The following SLAIN2 variants were observed in gnomAD, a reference collection of about 807,000 sequenced individuals.
SLAIN2 encodes the protein SLAIN motif-containing protein 2.
Under a neutral mutation model 56.6 loss-of-function variants are expected in SLAIN2, and 31 were observed. The observed-to-expected ratio is 0.55, with a 90% CI of 0.41 to 0.74. The LOEUF (loss-of-function observed/expected upper bound fraction) is 0.74. SLAIN2 is among the 30% of genes least tolerant of loss of function. The pLI, the probability that SLAIN2 is intolerant of heterozygous loss-of-function variation, is 0.00. For synonymous variants in SLAIN2, 317 were observed against 284.9 expected, an observed-to-expected ratio of 1.11 and a Z score of -1.13; for missense variants, 777 against 754.2, an observed-to-expected ratio of 1.03 and a Z score of -0.35.
chr4:48,372,950 G>A (rs954368204), intron 2 of SLAIN2, among the ~76,000 whole-genome samples: 8 of 151,880 alleles, frequency 5.3e-5, no homozygotes, highest in African/African-American at 1.7e-4. Context: ...GTGCTGTATT[G>A]CAGCAGAACA....
intron 1 of SLAIN2, among the ~76,000 whole-genome samples, chr4:48,355,991 TTA>T (rs1322406089): frequency 2.0e-5 from 3 of 152,206 alleles, no homozygotes; most frequent in East Asian, 3.9e-4. Context: ...GGTTCGAACT[TTA>T]TGTTTCTGTA....
intron 1 of SLAIN2, among the ~76,000 whole-genome samples, chr4:48,351,258 T>G (rs1052230114): frequency 2.6e-5 from 4 of 152,224 alleles, no homozygotes; most frequent in Non-Finnish European, 4.4e-5. Flanking sequence ...TACTCTCAAG[T>G]TAGGTTTTTA....
intron 1 of SLAIN2, among the ~76,000 whole-genome samples, chr4:48,368,999 GATT>G (rs1390656478): frequency 6.6e-6 from 1 of 152,160 alleles, no homozygotes; most frequent in Admixed American, 6.5e-5. Context: ...ATGTAAATGA[GATT>G]ATTGACTCCT....
rs1560465836 is a variant in SLAIN2 at position 48,412,402 on chromosome 4, ACACACAC to A, written c.1361-7722_1361-7716del. 7.4e-3 allele frequency among the ~76,000 whole-genome samples: 448 copies of A among 60,754 alleles called. 21 individuals are homozygous for A. The highest frequency in any genetic ancestry group is 0.021 in the African/African-American group (428 of 19,930). The allele number at this position is 60,754 out of a possible 152,430, so 39.9% of individuals were successfully genotyped here. On this transcript the variant is annotated intron_variant, in intron 6 of 7. Transcript: ENST00000264313. ...CACACACACACACACACACACACAC[ACACACAC>A]ACACACATTCCCTCTCTCTCTCTCT...
chr4:48,400,199 C>G (rs982463242), intron 6 of SLAIN2, among the ~76,000 whole-genome samples: 4 of 152,014 alleles, frequency 2.6e-5, no homozygotes, highest in Non-Finnish European at 5.9e-5. Flanking sequence ...TTGGTTTATT[C>G]AGGGATTCAG....
intron 6 of SLAIN2, among the ~76,000 whole-genome samples, chr4:48,398,198 G>A (rs1245878215): frequency 2.0e-5 from 3 of 152,136 alleles, no homozygotes; most frequent in Non-Finnish European, 4.4e-5. Context: ...TCTGACTGGT[G>A]TGAGATGGTA....
At chr4:48,390,233 A>G (rs2109768860) in intron 6 of SLAIN2, among the ~76,000 whole-genome samples, 1 of 151,862 alleles carries the variant, frequency 6.6e-6, no homozygotes, top group Admixed American at 6.6e-5. Flanking sequence ...ACGCACCACC[A>G]TGCCTGGCTA....
chr4:48,392,684 T>C (rs897188212), intron 6 of SLAIN2, among the ~76,000 whole-genome samples: 3 of 152,134 alleles, frequency 2.0e-5, no homozygotes, highest in Non-Finnish European at 2.9e-5. Flanking sequence ...CAGATTTCTA[T>C]GCAAATGTCA....
intron 1 of SLAIN2, 60 bp from the exon 2 acceptor site, chr4:48,369,789 C>T: frequency 6.7e-7 from 1 of 1,501,742 alleles, no homozygotes; most frequent in Non-Finnish European, 9.1e-7. Flanking sequence ...AAAAGGATCC[C>T]TGTTTTATAT....
chr4:48,414,639 T>A (rs1428477956), intron 6 of SLAIN2, among the ~76,000 whole-genome samples: 11 of 135,028 alleles, frequency 8.1e-5, no homozygotes, highest in Admixed American at 7.5e-4. Flanking sequence ...ACATGTGCCA[T>A]GCTGGTGCGC....
chr4:48,371,940 CCAAAA>C (rs144973452), intron 2 of SLAIN2, among the ~76,000 whole-genome samples: 4,498 of 150,690 alleles, frequency 0.03, 75 homozygotes, highest in Admixed American at 0.045. Context: ...GACCCTGTTG[CCAAAA>C]CAAAACAAAA....
At chr4:48,359,430 C>T (rs1272945471) in intron 1 of SLAIN2, among the ~76,000 whole-genome samples, 1 of 152,152 alleles carries the variant, frequency 6.6e-6, no homozygotes. Flanking sequence ...TCCTTGGCTT[C>T]AGTAGCCTAC....
At chr4:48,347,982 G>T (rs983639552) in intron 1 of SLAIN2, among the ~76,000 whole-genome samples, 1 of 152,166 alleles carries the variant, frequency 6.6e-6, no homozygotes, top group African/African-American at 2.4e-5. Context: ...ACCCAAAGTC[G>T]CATAGCTAAT....
intron 6 of SLAIN2, among the ~76,000 whole-genome samples, chr4:48,411,976 T>C: frequency 6.6e-6 from 1 of 152,062 alleles, no homozygotes; most frequent in East Asian, 1.9e-4. Context: ...GGTTTGACCT[T>C]CCTAGTTGCT....
intron 4 of SLAIN2, 29 bp downstream of exon 4, chr4:48,379,877 G>T: frequency 6.8e-7 from 1 of 1,468,628 alleles, no homozygotes; most frequent in Non-Finnish European, 9.0e-7. Flanking sequence ...AAGAGTTGAG[G>T]TTTTTTACTA....
At chr4:48,376,064 T>C (rs1715801415) in intron 2 of SLAIN2, among the ~76,000 whole-genome samples, 1 of 152,258 alleles carries the variant, frequency 6.6e-6, no homozygotes, top group African/African-American at 2.4e-5. Context: ...TGCAAGCCTC[T>C]TAAGAGAGAG....
chr4:48,349,210 C>G (rs1328356740), intron 1 of SLAIN2, among the ~76,000 whole-genome samples: 1 of 152,138 alleles, frequency 6.6e-6, no homozygotes, highest in East Asian at 1.9e-4. Context: ...GTGCTTTGGT[C>G]TGTGTAGTCT....
intron 5 of SLAIN2, 127 bp from the exon 6 acceptor site, chr4:48,383,520 T>A: frequency 3.4e-6 from 3 of 881,186 alleles, no homozygotes; most frequent in Non-Finnish European, 1.6e-6. Flanking sequence ...AGACAAGTCC[T>A]TTGTATTTTC....
At chr4:48,359,581 A>G (rs1715260572) in intron 1 of SLAIN2, among the ~76,000 whole-genome samples, 1 of 152,230 alleles carries the variant, frequency 6.6e-6, no homozygotes, top group African/African-American at 2.4e-5. Flanking sequence ...TGTGAAGAAA[A>G]GTCTGGAGAG....
Sources: allele counts gnomAD v4.1 joint callset (sites outside exome capture counted in the v4.1 genomes callset), GRCh38; gene constraint gnomAD v4.1.1; transcripts MANE v1.5; gene names NCBI Gene and HGNC (gene_info 2026-07-23, HGNC 2026-07-21).